Variants in KDR observed in about 807,000 individuals in gnomAD.
KDR encodes kinase insert domain receptor.
KDR carries 43 observed loss-of-function variants against 160.9 expected under a neutral mutation model. That is an observed-to-expected ratio of 0.27 (90% CI 0.21 to 0.34). KDR has a LOEUF of 0.34. Among genes scored for constraint, KDR ranks in the 10% least tolerant of loss-of-function variants. KDR has a pLI of 1.00. For synonymous variants in KDR, 617 were observed against 600.1 expected (o/e 1.03, Z -0.41); for missense variants, 1,469 against 1,666.4 (o/e 0.88, Z 2.06).
intron 27 of KDR, among the ~76,000 whole-genome samples, chr4:55,086,051 C>T (rs929933465): frequency 2.6e-5 from 4 of 152,154 alleles, no homozygotes; most frequent in African/African-American, 9.7e-5. Flanking sequence ...GTGGGAACAA[C>T]TGTCACACTA....
intron 18 of KDR, 96 bp downstream of exon 18, chr4:55,097,566 G>GC (rs1409314923): frequency 1.2e-6 from 1 of 803,508 alleles, no homozygotes; most frequent in Non-Finnish European, 2.2e-6. Context: ...TGGCTAGTAG[G>GC]CCCACATAAG....
At position 55,125,393 on chromosome 4, in the gene KDR, C is replaced by A. The variant is rs972646515; in HGVS notation, c.-100G>T. On this transcript the variant is annotated 5_prime_UTR_variant, in exon 1 of 30. Transcript: ENST00000263923. ...AGGCGCGGAGGTGGAACTCGCGGCA[C>A]CCCGCAGCGCAGGACAGTTGAGCGC... 2.1e-6 allele frequency: 3 copies of A among 1,420,370 alleles called. No homozygotes were observed. The highest frequency in any genetic ancestry group is 2.9e-6 in the Non-Finnish European group (3 of 1,039,374). The allele number at this position is 1,420,370 out of a possible 1,614,324, so 88.0% of individuals were successfully genotyped here.
intron 27 of KDR, among the ~76,000 whole-genome samples, chr4:55,087,114 G>A (rs529300916): frequency 3.3e-5 from 5 of 152,272 alleles, no homozygotes; most frequent in East Asian, 1.9e-4. Flanking sequence ...AAAATCAGAC[G>A]TGGGAGGGGC....
intron 19 of KDR, among the ~76,000 whole-genome samples, chr4:55,096,012 GTAT>G (rs1191116826): frequency 6.6e-6 from 1 of 152,100 alleles, no homozygotes; most frequent in Non-Finnish European, 1.5e-5. Flanking sequence ...GTAACAAACT[GTAT>G]CATAGTAGCA....
Position 55,095,505 on chromosome 4 carries a change from A to C in KDR, c.2817+72T>G, listed in dbSNP as rs931357761. The C allele has an allele frequency of 3.5e-6, 4 of 1,151,376 alleles. No individual in the cohort carries two copies. The African/African-American group carries it at 4.6e-5, about 13-fold the overall frequency. The allele number at this position is 1,151,376 out of a possible 1,614,324, so 71.3% of individuals were successfully genotyped here. A position where few individuals can be genotyped will look rare whatever the true frequency, so the allele number is the denominator to read the frequency against. ...GTTCTTCACAAAATTTCAACTAAAA[A>C]ACTAACCTGTACCATTTTGAGTTTC... On this transcript the variant is annotated intron_variant, in intron 20 of 29. Transcript: ENST00000263923.
chr4:55,096,610 G>T, intron 18 of KDR: 1 of 491,538 alleles, frequency 2.0e-6, no homozygotes, highest in Non-Finnish European at 3.7e-6. Context: ...GAATACATCT[G>T]CAGTGGAATC....
intron 3 of KDR, among the ~76,000 whole-genome samples, chr4:55,116,279 A>T (rs539082111): frequency 6.6e-6 from 1 of 152,172 alleles, no homozygotes; most frequent in South Asian, 2.1e-4. Flanking sequence ...TTAGCCAGGC[A>T]TGATGGCACG....
chr4:55,083,185 GCTGAGTCTCA>G (rs1250056749), intron 27 of KDR, among the ~76,000 whole-genome samples: 6 of 152,302 alleles, frequency 3.9e-5, no homozygotes, highest in African/African-American at 1.2e-4. Context: ...GAGAAGGTGG[GCTGAGTCTCA>G]CTGTCCCCTC....
intron 13 of KDR, among the ~76,000 whole-genome samples, chr4:55,103,353 C>G (rs1342325380): frequency 5.3e-5 from 8 of 152,192 alleles, no homozygotes; most frequent in Admixed American, 5.2e-4. Context: ...GAGATTACCT[C>G]AACAGCGTAC....
chr4:55,124,499 G>T (rs1224841344), intron 1 of KDR, among the ~76,000 whole-genome samples: 1 of 152,078 alleles, frequency 6.6e-6, no homozygotes, highest in Non-Finnish European at 1.5e-5. Flanking sequence ...CTGACTATGC[G>T]CTTACACCAA....
intron 1 of KDR, among the ~76,000 whole-genome samples, chr4:55,123,301 A>G (rs1004772038): frequency 6.6e-6 from 1 of 152,202 alleles, no homozygotes; most frequent in African/African-American, 2.4e-5. Context: ...ATGAGAAAAA[A>G]ACCATTATTT....
At chr4:55,099,267 G>A (rs58415820) in intron 15 of KDR, among the ~76,000 whole-genome samples, 32,240 of 152,014 alleles carry the variant, frequency 0.21, 3,854 homozygotes, top group East Asian at 0.47. Context: ...CATCCCCCCT[G>A]CCTTGGCCTC....
chr4:55,115,018 G>C lies in KDR; in HGVS notation c.514C>G (p.Pro172Ala), dbSNP rs370917098. The change falls in exon 5 of 30, where the codon CCT becomes GCT. Residue 172 changes from proline (P) to alanine (A), a missense_variant. This residue lies in a region of KDR where 792 missense variants were observed against 840.9 expected (regional missense o/e 0.94). Coordinates refer to ENST00000263923, the MANE Select transcript of KDR (RefSeq NM_002253.4). ...CARYPEKRFV[P>A]DGNRISWDSK... is the part of the protein sequence containing the mutation. ...TCCCAGGAAATTCTGTTACCATCAG[G>C]AACAAATCTCTTTTCTGGGTATCTC... 1 of 1,613,312 alleles carries C rather than the reference G, an allele frequency of 6.2e-7. No individual in the cohort carries two copies. Among genetic ancestry groups the C allele is most frequent in the African/African-American group, 1.3e-5 (1 of 74,850 alleles).
chr4:55,102,375 A>G lies in KDR; in HGVS notation c.2121T>C (p.Leu707=), dbSNP rs374469178. ...AATTCTATTTACCTGAGTCTTCTAC[A>G]AGGGTCTCATTATCTTTAAACCACA... is the stretch of plus-strand genomic sequence containing the variant. The part of the protein sequence containing the change: ...QIMWFKDNET[L]VEDSGIVLKD... The change falls in exon 14 of 30, where the codon CTT becomes CTC. Residue 707 remains leucine, a synonymous_variant. Transcript: ENST00000263923. 134 of 1,613,588 alleles carry G rather than the reference A, an allele frequency of 8.3e-5. No homozygotes were observed. Among genetic ancestry groups the G allele is most frequent in the Non-Finnish European group, 1.1e-4 (125 of 1,179,702 alleles).
chr4:55,084,367 G>A (rs555679631), intron 27 of KDR, among the ~76,000 whole-genome samples: 4 of 152,194 alleles, frequency 2.6e-5, no homozygotes, highest in Non-Finnish European at 5.9e-5. Context: ...ATGCCCATGA[G>A]GTTTGGAGAC....
rs147055342 is a variant in KDR, at chr4:55,109,454, C to T, written c.1255+949G>A. Among the ~76,000 whole-genome samples the T allele has an allele frequency of 2.7e-3, 404 of 152,038 alleles. 4 individuals are homozygous for T. Among genetic ancestry groups the T allele is most frequent in the African/African-American group, 9.0e-3 (372 of 41,450 alleles). ...CGGCCTACAGAAGAGTATCAGGACA[C>T]GTAGGGAAGCACCTTAATGTCATGG... On this transcript the variant is annotated intron_variant, in intron 9 of 29. Coordinates refer to ENST00000263923, the MANE Select transcript of KDR (RefSeq NM_002253.4).
At chr4:55,115,506 T>C (rs1720713184) in intron 3 of KDR, 95 bp from the exon 4 acceptor site, 3 of 723,884 alleles carry the variant, frequency 4.1e-6, no homozygotes, top group East Asian at 5.3e-5. Context: ...GACAAGTGAA[T>C]GACTGGAAGG....
At chr4:55,106,590 C>T in intron 11 of KDR, 97 bp downstream of exon 11, 1 of 942,138 alleles carries the variant, frequency 1.1e-6, no homozygotes, top group Non-Finnish European at 1.7e-6. Context: ...ATCATCCAGA[C>T]TATTTGATTA....
Position 55,106,700 on chromosome 4 carries a change from T to C in KDR, c.1523A>G (p.Glu508Gly). The change falls in exon 11 of 30, where the codon GAA becomes GGA. Residue 508 changes from glutamate to glycine, a missense_variant. By Grantham distance (98) the Glu-to-Gly change is moderately conservative. Transcript: ENST00000263923. The part of the protein sequence containing the change: ...EVNKNQFALI[E>G]GKNKTVSTLV... ...CTTCAAACTCACTTTGTTTTTTCCT[T>C]CAATTAGAGCAAATTGATTTTTATT... The C allele has an allele frequency of 6.4e-7, 1 of 1,574,342 alleles. No homozygotes were observed. Among genetic ancestry groups the C allele is most frequent in the Non-Finnish European group, 8.7e-7 (1 of 1,144,020 alleles).
Sources: allele counts gnomAD v4.1 joint callset (sites outside exome capture counted in the v4.1 genomes callset), GRCh38; gene constraint gnomAD v4.1.1; regional missense constraint gnomAD v4.1.1; transcripts MANE v1.5; gene names NCBI Gene and HGNC (gene_info 2026-07-23, HGNC 2026-07-21).